Variants in ENTREP2 observed in about 807,000 individuals in gnomAD.
ENTREP2 encodes the protein endosomal transmembrane epsin interactor 2.
chr15:29,136,419 C>T, the ENTREP2 span: 3 of 1,538,804 alleles, frequency 1.9e-6, no homozygotes, highest in East Asian at 2.5e-5. Context: ...GGGAGCTCAG[C>T]AGGATAGAGC....
chr15:29,369,060 T>G, the ENTREP2 span, among the ~76,000 whole-genome samples: 1 of 151,648 alleles, frequency 6.6e-6, no homozygotes, highest in Non-Finnish European at 1.5e-5. Context: ...TGAAGAAAAA[T>G]GAACAGATCC....
the ENTREP2 span, among the ~76,000 whole-genome samples, chr15:29,207,003 C>T: frequency 2.0e-5 from 3 of 152,186 alleles, no homozygotes; most frequent in Admixed American, 1.3e-4. Flanking sequence ...CATAGACATG[C>T]TCCGTAGGTT....
chr15:29,613,397 G>A, the ENTREP2 span: 5 of 442,524 alleles, frequency 1.1e-5, no homozygotes, highest in Admixed American at 2.5e-5. Context: ...AGGAAGCTGA[G>A]AGCTGTGACT....
chr15:29,512,342 A>G, the ENTREP2 span, among the ~76,000 whole-genome samples: 5 of 152,210 alleles, frequency 3.3e-5, no homozygotes, highest in Non-Finnish European at 7.3e-5. Context: ...TAAAAGACAG[A>G]CAGAAATAGA....
the ENTREP2 span, chr15:29,267,595 T>C: frequency 1.3e-5 from 2 of 152,154 alleles, no homozygotes; most frequent in Non-Finnish European, 2.9e-5. Flanking sequence ...TCTTATGTCC[T>C]GCTCTTATGT....
At chr15:29,158,002 C>T in the ENTREP2 span, among the ~76,000 whole-genome samples, 1 of 152,184 alleles carries the variant, frequency 6.6e-6, no homozygotes, top group Admixed American at 6.5e-5. Context: ...TAGACGTGAG[C>T]CACTGCTCCC....
the ENTREP2 span, among the ~76,000 whole-genome samples, chr15:29,171,946 CTCCTCTTGCAGTGCTGTGGGGCACATT>C: frequency 6.6e-6 from 1 of 152,276 alleles, no homozygotes; most frequent in Middle Eastern, 3.4e-3. Flanking sequence ...GTCCAAACAG[CTCCTCTTGCAGTGCTGTGGGGCACATT>C]TCTTTTAACC....
At chr15:29,673,933 A>G in the ENTREP2 span, among the ~76,000 whole-genome samples, 25 of 152,146 alleles carry the variant, frequency 1.6e-4, no homozygotes, top group African/African-American at 5.3e-4. Context: ...GGGATGTGGT[A>G]GCCTTTGAGT....
At chr15:29,359,663 A>G in the ENTREP2 span, among the ~76,000 whole-genome samples, 1 of 152,172 alleles carries the variant, frequency 6.6e-6, no homozygotes, top group African/African-American at 2.4e-5. Flanking sequence ...TGCCCACCTC[A>G]GCCTCCCAAG....
chr15:29,350,307 TATC>T, the ENTREP2 span, among the ~76,000 whole-genome samples: 2 of 151,450 alleles, frequency 1.3e-5, no homozygotes, highest in Admixed American at 1.3e-4. Flanking sequence ...GGTTGCTGAT[TATC>T]ATGTCTGAAA....
chr15:29,494,620 T>C, the ENTREP2 span, among the ~76,000 whole-genome samples: 123 of 151,084 alleles, frequency 8.1e-4, no homozygotes, highest in Middle Eastern at 3.4e-3. Flanking sequence ...AACTAACTCA[T>C]CGTGTAACTG....
chr15:29,368,824 T>C, the ENTREP2 span, among the ~76,000 whole-genome samples: 15 of 151,730 alleles, frequency 9.9e-5, no homozygotes, highest in African/African-American at 3.6e-4. Context: ...AAAGCTGCAG[T>C]GAGCTATGAT....
the ENTREP2 span, among the ~76,000 whole-genome samples, chr15:29,485,003 C>T: frequency 6.6e-6 from 1 of 152,126 alleles, no homozygotes; most frequent in Non-Finnish European, 1.5e-5. Context: ...CCAAGACTCA[C>T]CCTGCAAGCC....
the ENTREP2 span, among the ~76,000 whole-genome samples, chr15:29,673,199 T>A: frequency 2.6e-5 from 4 of 152,154 alleles, no homozygotes; most frequent in Non-Finnish European, 5.9e-5. Flanking sequence ...ATACTCTAAT[T>A]ATTAAAAGAC....
chr15:29,194,830 C>A, the ENTREP2 span, among the ~76,000 whole-genome samples: 2 of 152,150 alleles, frequency 1.3e-5, no homozygotes, highest in Admixed American at 1.3e-4. Flanking sequence ...AAGGGGGACG[C>A]CAGGACCTTA....
the ENTREP2 span, among the ~76,000 whole-genome samples, chr15:29,209,546 G>GA: frequency 6.6e-6 from 1 of 152,160 alleles, no homozygotes; most frequent in Non-Finnish European, 1.5e-5. Context: ...TAGTCCAGGG[G>GA]AGAGTCTGTT....
chr15:29,333,354 G>T, the ENTREP2 span, among the ~76,000 whole-genome samples: 10 of 152,280 alleles, frequency 6.6e-5, no homozygotes, highest in Admixed American at 6.5e-5. Context: ...CCTTAGAAGG[G>T]CCTGCAGAGA....
chr15:29,331,479 T>C, the ENTREP2 span, among the ~76,000 whole-genome samples: 1 of 152,054 alleles, frequency 6.6e-6, no homozygotes, highest in East Asian at 1.9e-4. Context: ...GCACTGATGC[T>C]CAAAACATCT....
chr15:29,199,799 C>G, the ENTREP2 span, among the ~76,000 whole-genome samples: 1 of 152,176 alleles, frequency 6.6e-6, no homozygotes, highest in Non-Finnish European at 1.5e-5. Context: ...TCTAAGAACT[C>G]TGCCTAGCCC....
Sources: gnomAD v4.1 joint callset for allele counts (sites outside exome capture counted in the v4.1 genomes callset) on GRCh38, gnomAD v4.1.1 for gene constraint, MANE v1.5 for transcripts, NCBI Gene and HGNC (gene_info 2026-07-23, HGNC 2026-07-21) for gene names.